Variants in GCLC observed in about 807,000 individuals in gnomAD.
The protein encoded by GCLC is glutamate-cysteine ligase catalytic subunit, also known as glutamate--cysteine ligase catalytic subunit.
In GCLC, 30 loss-of-function variants were observed where a neutral mutation model predicts 81.5. That is an observed-to-expected ratio of 0.37 (90% CI 0.28 to 0.50). The LOEUF (loss-of-function observed/expected upper bound fraction) is 0.50. Among genes scored for constraint, GCLC ranks in the 20% least tolerant of loss-of-function variants. The probability of loss-of-function intolerance (pLI) is 0.96; values close to 1 mark genes in which losing one functional copy is unlikely to be tolerated. For synonymous variants in GCLC, 262 were observed against 273.3 expected, an observed-to-expected ratio of 0.96 and a Z score of 0.41; for missense variants, 556 against 777.4, an observed-to-expected ratio of 0.72 and a Z score of 3.39.
chr6:53,530,210 G>C (rs1391421721), intron 1 of GCLC, among the ~76,000 whole-genome samples: 1 of 152,152 alleles, frequency 6.6e-6, no homozygotes, highest in Non-Finnish European at 1.5e-5. Context: ...AGGACGACAG[G>C]GCTTCAAGAC....
Position 53,545,101 on chromosome 6 carries a change from T to C in GCLC, c.-456A>G, listed in dbSNP as rs1763432065. On this transcript the variant is annotated 5_prime_UTR_variant, in exon 1 of 16. Transcript: ENST00000650454. ...TTTGCGTCCGCTAGCTCGCCGCTCC[T>C]GGGCGCGATCCTGCGCTCCAGGTTT... is the stretch of plus-strand genomic sequence containing the variant. 6.5e-6 allele frequency: 1 copy of C among 153,944 alleles called. No homozygotes were observed. Among genetic ancestry groups the C allele is most frequent in the South Asian group, 2.1e-4 (1 of 4,862 alleles). The allele number at this position is 153,944 out of a possible 1,614,324, so 9.5% of individuals were successfully genotyped here.
chr6:53,544,653 C>CCCTCCTCCTCCTCCTCCT lies in GCLC; in HGVS notation c.-26_-9dup, dbSNP rs3830798. The CCCTCCTCCTCCTCCTCCT allele has an allele frequency of 2.6e-6, 4 of 1,550,856 alleles. No individual in the cohort carries two copies. Among genetic ancestry groups the CCCTCCTCCTCCTCCTCCT allele is most frequent in the African/African-American group, 1.4e-5 (1 of 72,190 alleles). Reference sequence around the variant, plus strand: ...CTGGGACAGCAGCCCCATGGCCGCCCCCTCCTCCTCCTCCTCCTCCTCCGG... The same window carrying CCCTCCTCCTCCTCCTCCT: ...CTGGGACAGCAGCCCCATGGCCGCCCCCTCCTCCTCCTCCTCCTCCTCCTCCTCCTCCTCCTCCTCCGG... On this transcript the variant is annotated 5_prime_UTR_variant, in exon 1 of 16. Coordinates refer to ENST00000650454, the MANE Select transcript of GCLC (RefSeq NM_001498.4).
At chr6:53,499,924 T>A (rs140051049) in intron 15 of GCLC, 121 bp downstream of exon 15, 15 of 751,290 alleles carry the variant, frequency 2.0e-5, no homozygotes, top group East Asian at 1.1e-4. Flanking sequence ...TGCAGAAATA[T>A]AAAAATGTGA....
chr6:53,514,205 T>C lies in GCLC; in HGVS notation c.752A>G (p.Gln251Arg). ...MGFGMGNCCLQVTFQACSISE... is the reference protein window; with the variant it reads ...MGFGMGNCCLRVTFQACSISE... ...CTCTCTGTATATTTGAAACTATACC[T>C]GGAGACAGCAATTGCCCATTCCAAA... Residue 251 changes from glutamine to arginine, a missense_variant and splice_region_variant, in exon 6 of 16, where the codon CAG becomes CGG. Coordinates refer to ENST00000650454, the MANE Select transcript of GCLC (RefSeq NM_001498.4). 6.2e-7 allele frequency: 1 copy of C among 1,613,962 alleles called. No homozygotes were observed. Among genetic ancestry groups the C allele is most frequent in the Non-Finnish European group, 8.5e-7 (1 of 1,179,826 alleles).
intron 12 of GCLC, among the ~76,000 whole-genome samples, chr6:53,505,087 A>G (rs1334738450): frequency 6.6e-6 from 1 of 152,144 alleles, no homozygotes; most frequent in Non-Finnish European, 1.5e-5. Context: ...GGAGACTTTT[A>G]CCGGCATTCC....
chr6:53,524,583 C>T (rs1486933579), intron 1 of GCLC, among the ~76,000 whole-genome samples: 1 of 152,198 alleles, frequency 6.6e-6, no homozygotes, highest in Non-Finnish European at 1.5e-5. Context: ...ATTCCTAACT[C>T]TCCCAGCTAG....
At chr6:53,540,667 C>A (rs894283127) in intron 1 of GCLC, among the ~76,000 whole-genome samples, 19 of 143,920 alleles carry the variant, frequency 1.3e-4, no homozygotes, top group African/African-American at 4.3e-4. Context: ...AAGTGTCTTG[C>A]CACACACACA....
rs1013658231 is a variant in GCLC, at chr6:53,542,639, C to T, written c.150+1857G>A. Among the ~76,000 whole-genome samples the T allele has an allele frequency of 5.3e-5, 8 of 152,104 alleles. No homozygotes were observed. The South Asian group carries it at 8.3e-4, about 16-fold the overall frequency. ...TGAGCTCCAACTGTGCTGCAAATTT[C>T]CTGTTGATGTAGTTCTACCTGGGAC... On this transcript the variant is annotated intron_variant, in intron 1 of 15. Coordinates refer to ENST00000650454, the MANE Select transcript of GCLC (RefSeq NM_001498.4).
chr6:53,503,229 C>T (rs1764546573), intron 12 of GCLC: 1 of 152,236 alleles, frequency 6.6e-6, no homozygotes, highest in South Asian at 2.1e-4. Context: ...CATGTAAGAA[C>T]ACAGCAAGAA....
rs150667965 is a variant in GCLC, at chr6:53,540,699, ACACAC to A, written c.150+3792_150+3796del. On this transcript the variant is annotated intron_variant, in intron 1 of 15. Coordinates refer to ENST00000650454, the MANE Select transcript of GCLC (RefSeq NM_001498.4). ...CACACACACACACACACACACACAC[ACACAC>A]AAAAGTCCTGGTTGGAATCTTCTAA... 6.5e-4 allele frequency among the ~76,000 whole-genome samples: 98 copies of A among 151,332 alleles called. 1 individual carries two copies. The highest frequency in any genetic ancestry group is 1.2e-3 in the Non-Finnish European group (81 of 67,978).
At chr6:53,540,006 C>T (rs1205638560) in intron 1 of GCLC, among the ~76,000 whole-genome samples, 1 of 152,178 alleles carries the variant, frequency 6.6e-6, no homozygotes, top group Non-Finnish European at 1.5e-5. Context: ...GAGACTGTGG[C>T]CTTCAAACTC....
At chr6:53,518,109 C>T (rs1403795691) in intron 3 of GCLC, among the ~76,000 whole-genome samples, 2 of 152,022 alleles carry the variant, frequency 1.3e-5, no homozygotes, top group Non-Finnish European at 2.9e-5. Context: ...TGTTTCAAGT[C>T]CCAAAATACC....
intron 6 of GCLC, among the ~76,000 whole-genome samples, chr6:53,511,206 G>GT (rs1397755778): frequency 1.4e-5 from 2 of 147,408 alleles, no homozygotes; most frequent in South Asian, 2.2e-4. Flanking sequence ...AAAAGTGGGG[G>GT]GGGGGTGCTA....
At chr6:53,518,762 C>T (rs1438385415) in intron 3 of GCLC, among the ~76,000 whole-genome samples, 1 of 152,162 alleles carries the variant, frequency 6.6e-6, no homozygotes, top group Non-Finnish European at 1.5e-5. Flanking sequence ...GTGAAATGTA[C>T]AACCCTCTTA....
intron 1 of GCLC, among the ~76,000 whole-genome samples, chr6:53,526,633 C>T (rs889381596): frequency 2.0e-5 from 3 of 151,832 alleles, no homozygotes; most frequent in African/African-American, 7.3e-5. Context: ...CCCATCTCTA[C>T]TAAAAATACA....
chr6:53,530,654 T>C (rs1763156599), intron 1 of GCLC, among the ~76,000 whole-genome samples: 1 of 152,194 alleles, frequency 6.6e-6, no homozygotes, highest in African/African-American at 2.4e-5. Context: ...ACTAAACTTG[T>C]TAGCATTTGT....
intron 1 of GCLC, among the ~76,000 whole-genome samples, chr6:53,542,681 T>C (rs548174654): frequency 6.6e-6 from 1 of 152,220 alleles, no homozygotes; most frequent in Non-Finnish European, 1.5e-5. Context: ...TACCAAAGAC[T>C]TGAACTGCCT....
intron 2 of GCLC, among the ~76,000 whole-genome samples, chr6:53,521,593 C>T (rs1347781634): frequency 6.6e-6 from 1 of 152,134 alleles, no homozygotes; most frequent in Non-Finnish European, 1.5e-5. Context: ...ATGCAGCTTC[C>T]CCAAAACGAA....
chr6:53,514,493 A>G lies in GCLC; in HGVS notation c.565T>C (p.Leu189=), dbSNP rs774375409. 3.1e-6 allele frequency: 5 copies of G among 1,612,336 alleles called. No homozygotes were observed. The East Asian group carries it at 1.1e-4, about 36-fold the overall frequency. ...AINKHPRFST[L]TRNIRHRRGE... is the part of the protein sequence containing the mutation. Reference sequence around the variant, plus strand: ...CTCCTATGTCGGATATTTCTTGTTAAGGTACTAAAACAGACAACCAAACGT... The same window carrying G: ...CTCCTATGTCGGATATTTCTTGTTAGGGTACTAAAACAGACAACCAAACGT... The change falls in exon 5 of 16, where the codon TTA becomes CTA. Residue 189 remains leucine, a synonymous_variant. Coordinates refer to ENST00000650454, the MANE Select transcript of GCLC (RefSeq NM_001498.4).
Sources: gnomAD v4.1 joint callset for allele counts (sites outside exome capture counted in the v4.1 genomes callset) on GRCh38, gnomAD v4.1.1 for gene constraint, MANE v1.5 for transcripts, NCBI Gene and HGNC (gene_info 2026-07-23, HGNC 2026-07-21) for gene names.